Variants in CACNA1S observed in about 807,000 individuals in gnomAD.
CACNA1S encodes calcium voltage-gated channel subunit alpha1 S.
CACNA1S carries 126 observed loss-of-function variants against 207.4 expected under a neutral mutation model. The ratio of observed to expected loss-of-function variants is 0.61; its 90% CI spans 0.53 to 0.70. The LOEUF (loss-of-function observed/expected upper bound fraction) is 0.70, where lower values mean the gene tolerates loss of function less well. Ranked by LOEUF, CACNA1S falls within the 30% of genes least tolerant of loss-of-function variation. The pLI, the probability that CACNA1S is intolerant of heterozygous loss-of-function variation, is 0.00. For missense variants in CACNA1S, 2,349 were observed against 2,422.8 expected (o/e 0.97, Z 0.64); for synonymous variants, 960 against 932.7 (o/e 1.03, Z -0.53).
intron 40 of CACNA1S, 110 bp from the exon 41 acceptor site, chr1:201,041,699 C>T: frequency 1.3e-6 from 1 of 799,004 alleles, no homozygotes; most frequent in East Asian, 2.6e-5. Flanking sequence ...ACAAGGCCAA[C>T]CTAGTGTAGC....
rs750141331 is a variant in CACNA1S, at chr1:201,073,617, C to T, written c.2089G>A (p.Glu697Lys). The part of the protein sequence containing the change: ...SKGLPDKSEE[E>K]KSTMAKKLEQ... ...AGCTTCTTGGCCATCGTTGACTTCT[C>T]CTCTTCTGACTTGTCTGGGAGACCC... The change falls in exon 15 of 44, where the codon GAG becomes AAG. Residue 697 changes from glutamate to lysine, a missense_variant. Physicochemically the swap from Glu to Lys is moderately conservative, Grantham distance 56. Coordinates refer to ENST00000362061, the MANE Select transcript of CACNA1S (RefSeq NM_000069.3). The T allele has an allele frequency of 1.2e-6, 2 of 1,614,168 alleles. No individual in the cohort carries two copies. Among genetic ancestry groups the T allele is most frequent in the Non-Finnish European group, 1.7e-6 (2 of 1,179,992 alleles).
Position 201,093,724 on chromosome 1 carries a change from C to T in CACNA1S, c.398+158G>A, listed in dbSNP as rs140996710. ...ATCCACTCTCCACCAACATGGACAG[C>T]TCCCTTGCTGGGCCGGCCTCTAACA... On this transcript the variant is annotated intron_variant, in intron 3 of 43. Transcript: ENST00000362061. Among the ~76,000 whole-genome samples the T allele has an allele frequency of 1.1e-3, 172 of 152,344 alleles. 3 individuals carry two copies. In the South Asian group the frequency reaches 0.019, roughly 17 times the overall value.
At chr1:201,106,799 C>A (rs1662910131) in intron 2 of CACNA1S, among the ~76,000 whole-genome samples, 1 of 152,168 alleles carries the variant, frequency 6.6e-6, no homozygotes, top group Admixed American at 6.5e-5. Flanking sequence ...CCACCTCAAC[C>A]CATAGTGGAC....
At chr1:201,090,493 T>C (rs1662185004) in intron 5 of CACNA1S, among the ~76,000 whole-genome samples, 1 of 152,182 alleles carries the variant, frequency 6.6e-6, no homozygotes, top group African/African-American at 2.4e-5. Context: ...TGTCCCTTTG[T>C]TGTCAGCGGT....
chr1:201,107,692 A>T (rs548373783), intron 2 of CACNA1S, among the ~76,000 whole-genome samples: 4 of 152,324 alleles, frequency 2.6e-5, no homozygotes, highest in African/African-American at 7.2e-5. Context: ...ATAGGGCAAG[A>T]GAGAGAGTGC....
At chr1:201,074,419 T>C in intron 14 of CACNA1S, 87 bp downstream of exon 14, 1 of 807,096 alleles carries the variant, frequency 1.2e-6, no homozygotes, top group Non-Finnish European at 2.1e-6. Context: ...CCCTGATCAT[T>C]GGGTTACAGG....
Position 201,070,271 on chromosome 1 carries a change from C to T in CACNA1S, c.2360+1G>A. The stretch of plus-strand genomic sequence containing the variant: ...CCCCACAGCAGCCAAGGGGCACCCA[C>T]TTATTGGTGGGGCTGAAGATGAAGA... On this transcript the variant is annotated splice_donor_variant, in intron 17 of 43. Coordinates refer to ENST00000362061, the MANE Select transcript of CACNA1S (RefSeq NM_000069.3). LOFTEE classifies it high-confidence loss of function. 6.2e-7 allele frequency: 1 copy of T among 1,613,988 alleles called. No homozygotes were observed. Among genetic ancestry groups the T allele is most frequent in the South Asian group, 1.1e-5 (1 of 91,088 alleles).
Position 201,061,358 on chromosome 1 carries a change from A to C in CACNA1S, c.3164T>G (p.Phe1055Cys). The C allele has an allele frequency of 6.2e-7, 1 of 1,614,214 alleles. No homozygotes were observed. The highest frequency in any genetic ancestry group is 8.5e-7 in the Non-Finnish European group (1 of 1,180,040). ...FIIYIILIAF[F>C]MMNIFVGFVI... Reference sequence around the variant, plus strand: ...GAAGCCCACAAAGATGTTCATCATGAAGAAGGCAATGAGGATGATGTAGAT... The same window carrying C: ...GAAGCCCACAAAGATGTTCATCATGCAGAAGGCAATGAGGATGATGTAGAT... The change falls in exon 25 of 44, where the codon TTC (phenylalanine) becomes TGC (cysteine). Residue 1055 changes from phenylalanine (F) to cysteine (C), a missense_variant. Transcript: ENST00000362061.
chr1:201,109,389 T>C (rs75268997), intron 2 of CACNA1S, among the ~76,000 whole-genome samples: 3,324 of 152,318 alleles, frequency 0.022, 118 homozygotes, highest in African/African-American at 0.076. Flanking sequence ...TCTAATAATG[T>C]TACTTACCCC....
intron 2 of CACNA1S, among the ~76,000 whole-genome samples, chr1:201,095,291 G>T (rs997409359): frequency 6.6e-6 from 1 of 151,990 alleles, no homozygotes; most frequent in Non-Finnish European, 1.5e-5. Flanking sequence ...ATCACCATTA[G>T]TCTGCAACAC....
At chr1:201,104,563 C>T (rs12561765) in intron 2 of CACNA1S, among the ~76,000 whole-genome samples, 32,972 of 152,182 alleles carry the variant, frequency 0.22, 4,235 homozygotes, top group East Asian at 0.48. Flanking sequence ...GTCATAACTT[C>T]TGCTGCTCTA....
intron 33 of CACNA1S, 132 bp downstream of exon 33, chr1:201,050,851 TA>T: frequency 1.0e-6 from 1 of 993,714 alleles, no homozygotes; most frequent in Non-Finnish European, 1.6e-6. Context: ...GGGGACAACC[TA>T]ACTAGAGCCT....
intron 38 of CACNA1S, among the ~76,000 whole-genome samples, chr1:201,044,785 G>A (rs1469824288): frequency 2.0e-5 from 3 of 152,222 alleles, no homozygotes; most frequent in Admixed American, 6.5e-5. Context: ...TGGGATTACA[G>A]GCATGAGCCA....
Position 201,089,399 on chromosome 1 carries a change from C to T in CACNA1S, c.759G>A (p.Arg253=). ...SPCARTGSGR[R]CTINGSECRG... ...GGCACTCACTGCCATTGATGGTGCA[C>T]CGGCGCCCTGAGCCCGTCCTGGCGC... Residue 253 remains arginine, a synonymous_variant, in exon 6 of 44, where the codon CGG becomes CGA. Coordinates refer to ENST00000362061, the MANE Select transcript of CACNA1S (RefSeq NM_000069.3). 1 of 1,614,186 alleles carries T rather than the reference C, an allele frequency of 6.2e-7. No homozygotes were observed. The highest frequency in any genetic ancestry group is 1.1e-5 in the South Asian group (1 of 91,088).
At chr1:201,082,292 G>A (rs56236174) in intron 10 of CACNA1S, among the ~76,000 whole-genome samples, 5,259 of 152,138 alleles carry the variant, frequency 0.035, 192 homozygotes, top group East Asian at 0.18. Context: ...CTCCCAAACT[G>A]CTGGGATTAC....
Position 201,066,751 on chromosome 1 carries a change from C to G in CACNA1S, c.2657+136G>C, listed in dbSNP as rs1229254994. The G allele has an allele frequency of 1.4e-6, 1 of 711,744 alleles. No individual in the cohort carries two copies. Among genetic ancestry groups the G allele is most frequent in the East Asian group, 2.7e-5 (1 of 36,996 alleles). 44.1% of individuals were successfully genotyped at this position (711,744 alleles called of 1,614,324 possible). Reference sequence around the variant, plus strand: ...AGCTGGTGACAACCCACAGGACCCCCTGCCTCCATCGGAGGCCCCGAGAGA... The same window carrying G: ...AGCTGGTGACAACCCACAGGACCCCGTGCCTCCATCGGAGGCCCCGAGAGA... On this transcript the variant is annotated intron_variant, in intron 20 of 43. Transcript: ENST00000362061. This position sits in a 1 kb window ranked among gnomAD's most constrained non-coding sequence, Gnocchi z 4.3.
At chr1:201,094,133 A>G in intron 2 of CACNA1S, 112 bp from the exon 3 acceptor site, 2 of 1,330,392 alleles carry the variant, frequency 1.5e-6, no homozygotes, top group Non-Finnish European at 2.1e-6. Context: ...CGCCCACCTC[A>G]GGACGTTTGC....
At chr1:201,043,135 C>A in intron 40 of CACNA1S, 146 bp downstream of exon 40, 2 of 1,063,352 alleles carry the variant, frequency 1.9e-6, no homozygotes, top group Non-Finnish European at 2.9e-6. Flanking sequence ...CGGCCTCTTA[C>A]ATTAAGGTTC....
Position 201,112,221 on chromosome 1 carries a change from A to AG in CACNA1S, c.118dup (p.Leu40ProfsTer39). ...TACAATGCTGATGCAGGCCTTCCTCAGGGGGTTCTCCAGGGTCAGGCAGAA... is the reference window on the plus strand; with the variant it reads ...TACAATGCTGATGCAGGCCTTCCTCAGGGGGGTTCTCCAGGGTCAGGCAGAA... On this transcript the variant is annotated frameshift_variant, in exon 1 of 44. Coordinates refer to ENST00000362061, the MANE Select transcript of CACNA1S (RefSeq NM_000069.3). LOFTEE classifies it high-confidence loss of function. 1 of 1,613,298 alleles carries AG rather than the reference A, an allele frequency of 6.2e-7. No individual in the cohort carries two copies. Among genetic ancestry groups the AG allele is most frequent in the South Asian group, 1.1e-5 (1 of 91,050 alleles).
Sources: allele counts gnomAD v4.1 joint callset (sites outside exome capture counted in the v4.1 genomes callset), GRCh38; gene constraint gnomAD v4.1.1; non-coding constraint Gnocchi (gnomAD v3.1); transcripts MANE v1.5; gene names NCBI Gene and HGNC (gene_info 2026-07-23, HGNC 2026-07-21).